NEDD4: variants seen among roughly 807,000 people sequenced by gnomAD.
NEDD4 encodes NEDD4 E3 ubiquitin protein ligase.
NEDD4 carries 99 observed loss-of-function variants against 144.9 expected under a neutral mutation model. The observed-to-expected ratio is 0.68, with a 90% confidence interval of 0.58 to 0.81. The LOEUF (loss-of-function observed/expected upper bound fraction) is 0.81, where lower values mean the gene tolerates loss of function less well. Ranked by LOEUF, NEDD4 falls within the 30% of genes least tolerant of loss-of-function variation. The pLI is 0.00. For synonymous variants in NEDD4, 318 were observed against 350.6 expected (o/e 0.91, Z 1.04); for missense variants, 985 against 1,065.9 (o/e 0.92, Z 1.06).
At chr15:55,833,771 C>A (rs1286413151) in intron 26 of NEDD4, among the ~76,000 whole-genome samples, 2 of 152,206 alleles carry the variant, frequency 1.3e-5, no homozygotes, top group African/African-American at 4.8e-5. Context: ...ATTACAAGTT[C>A]TTTCAGTCCC....
At chr15:55,955,114 C>T (rs575510753) in intron 2 of NEDD4, among the ~76,000 whole-genome samples, 7 of 151,684 alleles carry the variant, frequency 4.6e-5, no homozygotes, top group East Asian at 1.9e-4. Flanking sequence ...CTCTGCCTCC[C>T]GGGCTCAAGC....
chr15:55,827,095 A>C lies in NEDD4; in HGVS notation c.*2802T>G, dbSNP rs1454851571. 1 of 152,228 alleles carries C rather than the reference A, an allele frequency of 6.6e-6. No individual in the cohort carries two copies. The highest frequency in any genetic ancestry group is 2.4e-5 in the African/African-American group (1 of 41,456). 9.4% of individuals were successfully genotyped at this position (152,228 alleles called of 1,614,324 possible). ...TTTATAATCAAAATGAATTGTGTTT[A>C]ACTTGATACTTATATGGAATAACTT... On this transcript the variant is annotated 3_prime_UTR_variant, in exon 29 of 29. Coordinates refer to ENST00000435532, the MANE Select transcript of NEDD4 (RefSeq NM_006154.4).
chr15:55,986,427 T>C (rs1240801830), intron 1 of NEDD4, among the ~76,000 whole-genome samples: 1 of 152,130 alleles, frequency 6.6e-6, no homozygotes, highest in Non-Finnish European at 1.5e-5. Flanking sequence ...GTCAGCATCA[T>C]GTGTCCCCTG....
chr15:55,961,556 C>T (rs1474746213), intron 2 of NEDD4, among the ~76,000 whole-genome samples: 1 of 152,116 alleles, frequency 6.6e-6, no homozygotes, highest in East Asian at 1.9e-4. Flanking sequence ...CTGCAACCTC[C>T]GCCTCCCGGG....
chr15:55,970,473 T>G (rs2037589098), intron 1 of NEDD4, among the ~76,000 whole-genome samples: 1 of 152,184 alleles, frequency 6.6e-6, no homozygotes, highest in Non-Finnish European at 1.5e-5. Flanking sequence ...TCCAGTACTG[T>G]GTTGGCTTCA....
intron 1 of NEDD4, among the ~76,000 whole-genome samples, chr15:55,982,399 T>G (rs1414411931): frequency 6.6e-6 from 1 of 152,150 alleles, no homozygotes; most frequent in African/African-American, 2.4e-5. Flanking sequence ...AATGGATATA[T>G]TCATACAACG....
At position 55,841,918 on chromosome 15, in the gene NEDD4, T is replaced by A; in HGVS notation, c.1838+16A>T. The A allele has an allele frequency of 6.3e-7, 1 of 1,586,400 alleles. No homozygotes were observed. Among genetic ancestry groups the A allele is most frequent in the Non-Finnish European group, 8.7e-7 (1 of 1,154,804 alleles). On this transcript the variant is annotated intron_variant, in intron 19 of 28. Coordinates refer to ENST00000435532, the MANE Select transcript of NEDD4 (RefSeq NM_006154.4). ...ATTTTTCTTTTTCTGCCGATAATCA[T>A]TGTAAAGGTACTTACGTAGCAGAAT...
Position 55,852,690 on chromosome 15 carries a change from AATATAT to A in NEDD4, c.1027-153_1027-148del, listed in dbSNP as rs59736982. ...TTACTACAGTTTTGCCTTTTCTAGAAATATATATATATATATATATATATATATATA... is the reference window on the plus strand; with the variant it reads ...TTACTACAGTTTTGCCTTTTCTAGAAATATATATATATATATATATATATA... On this transcript the variant is annotated intron_variant, in intron 12 of 28. Coordinates refer to ENST00000435532, the MANE Select transcript of NEDD4 (RefSeq NM_006154.4). 8.5e-3 allele frequency: 1,572 copies of A among 184,004 alleles called. 20 individuals carry two copies. Among genetic ancestry groups the A allele is most frequent in the African/African-American group, 0.029 (1,017 of 35,432 alleles). 11.4% of individuals were successfully genotyped at this position (184,004 alleles called of 1,614,324 possible).
At chr15:55,930,761 T>C (rs2036763973) in intron 4 of NEDD4, among the ~76,000 whole-genome samples, 1 of 152,182 alleles carries the variant, frequency 6.6e-6, no homozygotes, top group South Asian at 2.1e-4. Flanking sequence ...GGAGATCTGA[T>C]GGTTTTAAAA....
intron 1 of NEDD4, among the ~76,000 whole-genome samples, chr15:55,989,244 A>G (rs984279995): frequency 6.6e-6 from 1 of 152,332 alleles, no homozygotes; most frequent in East Asian, 1.9e-4. Context: ...TCAAAAGTAA[A>G]TACATAATTT....
chr15:55,917,230 G>A, intron 5 of NEDD4: 2 of 903,802 alleles, frequency 2.2e-6, no homozygotes, highest in Non-Finnish European at 2.7e-6. Context: ...ATTTCAAGTT[G>A]AAACAGTATT....
chr15:55,852,024 G>A (rs554727539), intron 13 of NEDD4, among the ~76,000 whole-genome samples: 67 of 151,928 alleles, frequency 4.4e-4, no homozygotes, highest in African/African-American at 1.4e-3. Flanking sequence ...GACCAGGCAC[G>A]GTGGCTCATG....
chr15:55,966,585 A>G (rs1158913295), intron 1 of NEDD4, 39 bp from the exon 2 acceptor site: 2 of 1,216,654 alleles, frequency 1.6e-6, no homozygotes, highest in Non-Finnish European at 1.1e-6. Flanking sequence ...TCATGTACTT[A>G]TAAGTTAACT....
At chr15:55,986,933 A>G (rs1456644541) in intron 1 of NEDD4, among the ~76,000 whole-genome samples, 2 of 152,014 alleles carry the variant, frequency 1.3e-5, no homozygotes, top group Non-Finnish European at 2.9e-5. Flanking sequence ...GATAAGAAAA[A>G]CTGTGCATGT....
At chr15:55,982,709 T>C (rs576908717) in intron 1 of NEDD4, among the ~76,000 whole-genome samples, 1 of 152,320 alleles carries the variant, frequency 6.6e-6, no homozygotes, top group East Asian at 1.9e-4. Flanking sequence ...AATCTGTGCA[T>C]TTCACTCTTT....
intron 5 of NEDD4, among the ~76,000 whole-genome samples, chr15:55,893,901 T>C (rs1238207831): frequency 2.0e-5 from 3 of 151,546 alleles, no homozygotes; most frequent in African/African-American, 4.9e-5. Context: ...CAAAATTGCA[T>C]TTGTATAGCT....
At chr15:55,866,851 T>C (rs1262449498) in intron 8 of NEDD4, among the ~76,000 whole-genome samples, 2 of 152,222 alleles carry the variant, frequency 1.3e-5, no homozygotes, top group African/African-American at 2.4e-5. Flanking sequence ...ATTTTTTGGA[T>C]AGAAGGCCTT....
At chr15:55,953,648 G>T (rs1489545244) in intron 2 of NEDD4, among the ~76,000 whole-genome samples, 1 of 151,978 alleles carries the variant, frequency 6.6e-6, no homozygotes, top group Non-Finnish European at 1.5e-5. Context: ...TGCCATCTTG[G>T]CCAGGCTGGT....
chr15:55,835,420 GT>G (rs56792157), intron 24 of NEDD4, among the ~76,000 whole-genome samples: 257 of 108,354 alleles, frequency 2.4e-3, no homozygotes, highest in African/African-American at 6.0e-3. Context: ...CTCCTGTTCT[GT>G]TTTTTTTTTT....
Sources: gnomAD v4.1 joint callset for allele counts (sites outside exome capture counted in the v4.1 genomes callset) on GRCh38, gnomAD v4.1.1 for gene constraint, MANE v1.5 for transcripts, NCBI Gene and HGNC (gene_info 2026-07-23, HGNC 2026-07-21) for gene names.